The following PFKFB2 variants were observed in gnomAD, a reference collection of about 807,000 sequenced individuals.
The protein encoded by PFKFB2 is 6-phosphofructo-2-kinase/fructose-2,6-biphosphatase 2, also known as 6-phosphofructo-2-kinase/fructose-2,6-bisphosphatase 2.
Under a neutral mutation model 68.0 loss-of-function variants are expected in PFKFB2, and 53 were observed. That is an observed-to-expected ratio of 0.78 (90% CI 0.63 to 0.98). The LOEUF is 0.98. Among genes scored for constraint, PFKFB2 ranks in the 50% least tolerant of loss-of-function variants. The probability of loss-of-function intolerance (pLI) is 0.00; values close to 1 mark genes in which losing one functional copy is unlikely to be tolerated. For synonymous variants in PFKFB2, 222 were observed against 227.6 expected (o/e 0.98, Z 0.22); for missense variants, 451 against 642.0 (o/e 0.70, Z 3.22).
At position 207,061,839 on chromosome 1, in the gene PFKFB2, G is replaced by A. The variant is rs930079136; in HGVS notation, c.86-114G>A. Reference sequence around the variant, plus strand: ...GGAGGTTGCAATGAGCTGAGATCACGCCACTGTACTCCAGCCTGGTGACAG... The same window carrying A: ...GGAGGTTGCAATGAGCTGAGATCACACCACTGTACTCCAGCCTGGTGACAG... On this transcript the variant is annotated intron_variant, in intron 2 of 14. Transcript: ENST00000367080. 13 of 877,240 alleles carry A rather than the reference G, an allele frequency of 1.5e-5. No individual in the cohort carries two copies. The Admixed American group carries it at 1.5e-4, about 10-fold the overall frequency. 54.3% of individuals were successfully genotyped at this position (877,240 alleles called of 1,614,324 possible). A position where few individuals can be genotyped will look rare whatever the true frequency, so the allele number is the denominator to read the frequency against.
intron 8 of PFKFB2, among the ~76,000 whole-genome samples, chr1:207,066,054 T>C (rs1014901080): frequency 6.6e-6 from 1 of 152,252 alleles, no homozygotes; most frequent in Non-Finnish European, 1.5e-5. Flanking sequence ...TATTACATAT[T>C]GCATATTTTT....
chr1:207,054,792 G>T lies in PFKFB2; in HGVS notation c.75G>T (p.Glu25Asp), dbSNP rs1462660383. 6.2e-7 allele frequency: 1 copy of T among 1,612,724 alleles called. No individual in the cohort carries two copies. The highest frequency in any genetic ancestry group is 8.5e-7 in the Non-Finnish European group (1 of 1,179,072). ...ETKTPNLRMS[E>D]KKCSWASYMT... ...AAACCCCAAATCTTCGAATGTCAGA[G>T]AAGAAATGTTGTGAGTTCTGGCAGA... Residue 25 changes from glutamate (E) to aspartate (D), a missense_variant, in exon 2 of 15, where the codon GAG (glutamate) becomes GAT (aspartate). Transcript: ENST00000367080.
chr1:207,051,480 A>T (rs1682751134), upstream of PFKFB2, among the ~76,000 whole-genome samples: 1 of 152,126 alleles, frequency 6.6e-6, no homozygotes, highest in Admixed American at 6.5e-5. Flanking sequence ...TTAAACATTG[A>T]CTCATTGGGG....
intron 1 of PFKFB2, among the ~76,000 whole-genome samples, chr1:207,041,355 G>A (rs1051185205): frequency 4.0e-5 from 6 of 151,832 alleles, no homozygotes; most frequent in Non-Finnish European, 7.4e-5. Context: ...TCTACATTAG[G>A]TATTTCTCCT....
chr1:207,073,672 C>T lies in PFKFB2; in HGVS notation c.*1301C>T. ...AGAAGTCCTTGGAACCCTGTGGGAT[C>T]TAGCTCGTAACTGTTTGTATTTCTC... On this transcript the variant is annotated 3_prime_UTR_variant, in exon 15 of 15. Transcript: ENST00000367080. 1.0e-6 allele frequency: 1 copy of T among 984,876 alleles called. No individual in the cohort carries two copies. Among genetic ancestry groups the T allele is most frequent in the Non-Finnish European group, 1.2e-6 (1 of 829,448 alleles). 61.0% of individuals were successfully genotyped at this position (984,876 alleles called of 1,614,324 possible). A position where few individuals can be genotyped will look rare whatever the true frequency, so the allele number is the denominator to read the frequency against.
In PFKFB2 at chr1:207,069,539, C is replaced by T; in HGVS notation, c.1092+11C>T. ...TATCCTGGTGGGGAGGTAAGACGCCCCTGTCATGTAAAGTGACTGCCTAGA... is the reference window on the plus strand; with the variant it reads ...TATCCTGGTGGGGAGGTAAGACGCCTCTGTCATGTAAAGTGACTGCCTAGA... On this transcript the variant is annotated intron_variant, in intron 11 of 14. Coordinates refer to ENST00000367080, the MANE Select transcript of PFKFB2 (RefSeq NM_006212.2). 2 of 1,547,930 alleles carry T rather than the reference C, an allele frequency of 1.3e-6. No homozygotes were observed. The highest frequency in any genetic ancestry group is 1.4e-5 in the African/African-American group (1 of 73,718).
chr1:207,065,363 T>A (rs1033575235), intron 8 of PFKFB2: 1 of 960,216 alleles, frequency 1.0e-6, no homozygotes, highest in African/African-American at 1.8e-5. Context: ...GGTTTTGTTT[T>A]GTTTTGAGAC....
At chr1:207,061,650 G>A (rs1683120223) in intron 2 of PFKFB2, among the ~76,000 whole-genome samples, 1 of 152,142 alleles carries the variant, frequency 6.6e-6, no homozygotes, top group South Asian at 2.1e-4. Flanking sequence ...TTGGGAGGCT[G>A]AGGTGGGTGG....
downstream of PFKFB2, among the ~76,000 whole-genome samples, chr1:207,078,013 T>C (rs1683677415): frequency 6.6e-6 from 1 of 152,220 alleles, no homozygotes. Flanking sequence ...AAGAACATTA[T>C]GGAAAGCACA....
intron 1 of PFKFB2, among the ~76,000 whole-genome samples, chr1:207,040,608 G>A (rs529351229): frequency 9.1e-4 from 138 of 152,226 alleles, no homozygotes; most frequent in African/African-American, 7.7e-4. Context: ...TCTTGTTTTC[G>A]TCTGGTAAAC....
Position 207,070,153 on chromosome 1 carries a change from A to T in PFKFB2, c.1093-127A>T. 9.3e-7 allele frequency: 1 copy of T among 1,070,690 alleles called. No individual in the cohort carries two copies. The highest frequency in any genetic ancestry group is 1.4e-6 in the Non-Finnish European group (1 of 738,140). The allele number at this position is 1,070,690 out of a possible 1,614,324, so 66.3% of individuals were successfully genotyped here. On this transcript the variant is annotated intron_variant, in intron 11 of 14. Transcript: ENST00000367080. This position sits in a 1 kb window ranked among gnomAD's most constrained non-coding sequence, Gnocchi z 4.2. Reference sequence around the variant, plus strand: ...GGCAGTTAGCAGGTGATGTAAACTCACTGAGCCTCCAGGAGGAAAGCCAGC... The same window carrying T: ...GGCAGTTAGCAGGTGATGTAAACTCTCTGAGCCTCCAGGAGGAAAGCCAGC...
chr1:207,043,069 T>C (rs918952748), intron 2 of PFKFB2, among the ~76,000 whole-genome samples: 5 of 152,046 alleles, frequency 3.3e-5, no homozygotes, highest in Non-Finnish European at 7.3e-5. Context: ...GTGGGCTTAC[T>C]AAAATTGATT....
At position 207,076,954 on chromosome 1, in the gene PFKFB2, C is replaced by T. The variant is rs546787716; in HGVS notation, c.*4583C>T. ...ACAAAGGAAGGAATTAAGCACTCCA[C>T]GTGTTTTCTTTATAGGGGAGTTCTG... On this transcript the variant is annotated 3_prime_UTR_variant, in exon 15 of 15. Coordinates refer to ENST00000367080, the MANE Select transcript of PFKFB2 (RefSeq NM_006212.2). 8.1e-6 allele frequency: 8 copies of T among 982,470 alleles called. No individual in the cohort carries two copies. The highest frequency in any genetic ancestry group is 1.7e-5 in the African/African-American group (1 of 57,152). 60.9% of individuals were successfully genotyped at this position (982,470 alleles called of 1,614,324 possible). A position where few individuals can be genotyped will look rare whatever the true frequency, so the allele number is the denominator to read the frequency against.
chr1:207,067,437 C>T (rs1683323789), intron 8 of PFKFB2, 62 bp from the exon 9 acceptor site: 3 of 1,220,952 alleles, frequency 2.5e-6, no homozygotes, highest in Non-Finnish European at 3.6e-6. Flanking sequence ...ATCCTTTTCC[C>T]TCTGATTCTT....
rs1254237696 is a variant in PFKFB2, at chr1:207,042,963, C to T, written c.-18+751C>T. Among the ~76,000 whole-genome samples the T allele has an allele frequency of 2.6e-5, 4 of 151,704 alleles. No individual in the cohort carries two copies. In the South Asian group the frequency reaches 6.3e-4, roughly 24 times the overall value. On this transcript the variant is annotated intron_variant, in intron 2 of 5. Transcript: ENST00000545806. ...CTGGTATAAGCCATAAGAGATCTCT[C>T]GCAAGTTGATTAATGGTTCATTTAA...
chr1:207,069,627 C>T (rs1021635032), intron 11 of PFKFB2, 99 bp downstream of exon 11: 2 of 744,080 alleles, frequency 2.7e-6, no homozygotes, highest in African/African-American at 1.8e-5. Flanking sequence ...AGGGTCTAGG[C>T]ATCATTTATC....
At position 207,071,508 on chromosome 1, in the gene PFKFB2, G is replaced by C. The variant is rs1173956146; in HGVS notation, c.1286-1G>C. ...GTCCTCTCTTTCCTCTGTTTTCTCA[G>C]GGTGCAAAGTGGAAACAATTAAACT... On this transcript the variant is annotated splice_acceptor_variant, in intron 13 of 14. Transcript: ENST00000367080. LOFTEE classifies it high-confidence loss of function. 1 of 1,612,582 alleles carries C rather than the reference G, an allele frequency of 6.2e-7. No homozygotes were observed. The highest frequency in any genetic ancestry group is 1.7e-5 in the Admixed American group (1 of 59,976).
chr1:207,049,439 A>G (rs748967815), upstream of PFKFB2: 11 of 1,614,076 alleles, frequency 6.8e-6, no homozygotes, highest in Non-Finnish European at 9.3e-6. Context: ...ATCCAGTCAC[A>G]GTACTCTTGA....
chr1:207,050,587 C>T, upstream of PFKFB2: 1 of 1,520,740 alleles, frequency 6.6e-7, no homozygotes, highest in Non-Finnish European at 8.9e-7. Context: ...AAAGCCCCCC[C>T]GCCGACTCAC....
Sources: gnomAD v4.1 joint callset for allele counts (sites outside exome capture counted in the v4.1 genomes callset) on GRCh38, gnomAD v4.1.1 for gene constraint, Gnocchi (gnomAD v3.1) non-coding constraint, MANE v1.5 for transcripts, NCBI Gene and HGNC (gene_info 2026-07-23, HGNC 2026-07-21) for gene names.